LGALS8: variants seen among roughly 807,000 people sequenced by gnomAD.
The protein encoded by LGALS8 is galectin-8.
A neutral mutation model predicts 35.9 loss-of-function variants in LGALS8; 30 were observed. That is an observed-to-expected ratio of 0.83 (90% CI 0.62 to 1.13). The LOEUF (loss-of-function observed/expected upper bound fraction) is 1.13, where lower values mean the gene tolerates loss of function less well. Among genes scored for constraint, LGALS8 ranks in the 50% most tolerant of loss-of-function variants. The pLI is 0.00. For synonymous variants in LGALS8, 138 were observed against 136.1 expected, an observed-to-expected ratio of 1.01 and a Z score of -0.10; for missense variants, 366 against 388.7, an observed-to-expected ratio of 0.94 and a Z score of 0.49.
chr1:236,543,699 C>T (rs773016936), intron 8 of LGALS8, 51 bp downstream of exon 8: 1 of 1,314,480 alleles, frequency 7.6e-7, no homozygotes, highest in South Asian at 1.2e-5. Flanking sequence ...GTGCCTGTTA[C>T]CGCCTTCCAC....
chr1:236,534,286 TCTGA>T (rs1198718701), intron 2 of LGALS8, among the ~76,000 whole-genome samples: 8 of 152,180 alleles, frequency 5.3e-5, no homozygotes, highest in Non-Finnish European at 8.8e-5. Flanking sequence ...TTCCTGGGTG[TCTGA>T]CTCTTAGGCT....
At chr1:236,538,150 T>C (rs1258959374) in intron 3 of LGALS8, among the ~76,000 whole-genome samples, 1 of 146,798 alleles carries the variant, frequency 6.8e-6, no homozygotes, top group African/African-American at 2.5e-5. Context: ...TGTGGTCAGA[T>C]GACAGGGACA....
upstream of LGALS8, among the ~76,000 whole-genome samples, chr1:236,520,106 G>A (rs191159538): frequency 1.7e-3 from 251 of 151,750 alleles, 1 homozygote; most frequent in African/African-American, 5.6e-3. Context: ...ACAGGCATGC[G>A]CCACAAGGCC....
chr1:236,538,083 T>G (rs1661676714), intron 3 of LGALS8, among the ~76,000 whole-genome samples: 2 of 24,450 alleles, frequency 8.2e-5, no homozygotes, highest in African/African-American at 2.1e-4. Context: ...ATAGCCTGGG[T>G]GACAAAAAAA....
chr1:236,539,553 G>C (rs142577634), intron 4 of LGALS8, among the ~76,000 whole-genome samples: 1 of 152,190 alleles, frequency 6.6e-6, no homozygotes, highest in Admixed American at 6.5e-5. Context: ...CTTGATGTCA[G>C]TTCCATCTCT....
At chr1:236,543,126 G>A (rs1367474442) in intron 7 of LGALS8, 3 of 1,160,538 alleles carry the variant, frequency 2.6e-6, no homozygotes, top group South Asian at 1.3e-5. Flanking sequence ...CACAATAGAG[G>A]CCCAAAGCAG....
upstream of LGALS8, chr1:236,523,172 T>G (rs1660605423): frequency 6.6e-6 from 1 of 152,094 alleles, no homozygotes; most frequent in Non-Finnish European, 1.5e-5. Flanking sequence ...CCCTGAGAAG[T>G]CGGGTATTTA....
rs935691514 is a variant in LGALS8 at position 236,550,178 on chromosome 1, A to G, written c.*2017A>G. 1 of 152,228 alleles carries G rather than the reference A, an allele frequency of 6.6e-6. No homozygotes were observed. Among genetic ancestry groups the G allele is most frequent in the Admixed American group, 6.5e-5 (1 of 15,282 alleles). 9.4% of individuals were successfully genotyped at this position (152,228 alleles called of 1,614,324 possible). ...TAGTTCTTAGTTAACCACCAATGGA[A>G]CTGGGTTCATTCTGAATCCTGGAGG... On this transcript the variant is annotated 3_prime_UTR_variant, in exon 10 of 10. Coordinates refer to ENST00000366584, the MANE Select transcript of LGALS8 (RefSeq NM_201544.4).
chr1:236,550,095 G>C lies in LGALS8; in HGVS notation c.*1934G>C, dbSNP rs537374652. ...AACTTCACCATGACCCAGTACTAGA[G>C]ATTAGGGCACTTCAAAGCATTGAAA... On this transcript the variant is annotated 3_prime_UTR_variant, in exon 10 of 10. Transcript: ENST00000366584. 2.4e-4 allele frequency: 37 copies of C among 152,226 alleles called. No individual in the cohort carries two copies. Among genetic ancestry groups the C allele is most frequent in the African/African-American group, 8.4e-4 (35 of 41,516 alleles). The allele number at this position is 152,226 out of a possible 1,614,324, so 9.4% of individuals were successfully genotyped here. A position where few individuals can be genotyped will look rare whatever the true frequency, so the allele number is the denominator to read the frequency against.
At chr1:236,543,067 C>T (rs1263026426) in intron 7 of LGALS8, 2 of 1,607,104 alleles carry the variant, frequency 1.2e-6, no homozygotes, top group African/African-American at 2.7e-5. Context: ...ATTTTCTTAA[C>T]TCTATATAAA....
intron 9 of LGALS8, among the ~76,000 whole-genome samples, chr1:236,545,579 T>C (rs1662313141): frequency 6.6e-6 from 1 of 152,232 alleles, no homozygotes; most frequent in Non-Finnish European, 1.5e-5. Context: ...GTTATCATTC[T>C]ACAGCATTTT....
intron 3 of LGALS8, among the ~76,000 whole-genome samples, chr1:236,538,649 AG>A (rs1440788492): frequency 6.6e-6 from 1 of 152,208 alleles, no homozygotes; most frequent in African/African-American, 2.4e-5. Context: ...AGGCTGGGAA[AG>A]GTAGGTTTTT....
At chr1:236,536,934 G>GAATA (rs1328847744) in intron 2 of LGALS8, among the ~76,000 whole-genome samples, 1 of 150,900 alleles carries the variant, frequency 6.6e-6, no homozygotes, top group East Asian at 1.9e-4. Context: ...AAAATACTAT[G>GAATA]AATAGTATTT....
upstream of LGALS8, among the ~76,000 whole-genome samples, chr1:236,522,025 A>G (rs1466791167): frequency 6.6e-6 from 1 of 152,176 alleles, no homozygotes; most frequent in Non-Finnish European, 1.5e-5. Context: ...GGTCCTTTGC[A>G]TGCTAGTATT....
chr1:236,547,861 A>T (rs1662480308), intron 9 of LGALS8, 151 bp from the exon 10 acceptor site: 1 of 609,190 alleles, frequency 1.6e-6, no homozygotes, highest in Admixed American at 3.2e-5. Context: ...TAGTTAGATT[A>T]GGGTCTTGGA....
intron 5 of LGALS8, 101 bp downstream of exon 5, chr1:236,540,784 G>GT: frequency 2.5e-6 from 3 of 1,202,180 alleles, no homozygotes; most frequent in South Asian, 1.7e-5. Flanking sequence ...TAAAAAGGAC[G>GT]TATCTCCCTG....
Position 236,551,037 on chromosome 1 carries a change from C to T in LGALS8, c.*2876C>T, listed in dbSNP as rs763953114. 2.9e-6 allele frequency: 4 copies of T among 1,388,428 alleles called. No individual in the cohort carries two copies. In the African/African-American group the frequency reaches 4.4e-5, roughly 15 times the overall value. 86.0% of individuals were successfully genotyped at this position (1,388,428 alleles called of 1,614,324 possible). On this transcript the variant is annotated 3_prime_UTR_variant, in exon 10 of 10. Transcript: ENST00000366584. ...CAAAATTAAAATCTGAGTCAGTCCG[C>T]CTGCCTCGGTTCTCATTAGTTTAAT...
rs1661910276 is a variant in LGALS8, at chr1:236,540,479, A to G, written c.346-85A>G. ...AACAGGTATAAAACTGGACGCAAGG[A>G]AACATTTAAATTTGGATAATAAGTT... On this transcript the variant is annotated intron_variant, in intron 4 of 9. Transcript: ENST00000366584. The G allele has an allele frequency of 8.5e-6, 12 of 1,416,420 alleles. No individual in the cohort carries two copies. In the South Asian group the frequency reaches 9.3e-5, roughly 11 times the overall value. 87.7% of individuals were successfully genotyped at this position (1,416,420 alleles called of 1,614,324 possible).
intron 7 of LGALS8, chr1:236,543,068 T>C: frequency 6.2e-7 from 1 of 1,606,950 alleles, no homozygotes; most frequent in South Asian, 1.1e-5. Flanking sequence ...TTTTCTTAAC[T>C]CTATATAAAA....
Sources: allele counts gnomAD v4.1 joint callset (sites outside exome capture counted in the v4.1 genomes callset), GRCh38; gene constraint gnomAD v4.1.1; transcripts MANE v1.5; gene names NCBI Gene and HGNC (gene_info 2026-07-23, HGNC 2026-07-21).